MRNIP: variants seen among roughly 807,000 people sequenced by gnomAD.
MRNIP encodes MRN complex-interacting protein.
A neutral mutation model predicts 29.8 loss-of-function variants in MRNIP; 30 were observed. That is an observed-to-expected ratio of 1.01 (90% confidence interval 0.75 to 1.36). MRNIP has a LOEUF of 1.36. MRNIP is among the 40% of genes most tolerant of loss of function. MRNIP has a pLI of 0.00. For missense variants in MRNIP, 459 were observed against 423.5 expected (o/e 1.08, Z -0.74); for synonymous variants, 201 against 164.1 (o/e 1.23, Z -1.72).
intron 6 of MRNIP, 83 bp downstream of exon 6, chr5:179,840,789 T>G (rs1361424542): frequency 9.3e-7 from 1 of 1,071,350 alleles, no homozygotes; most frequent in Non-Finnish European, 1.4e-6. Flanking sequence ...AATCGCACAC[T>G]TCGTCAACTG....
intron 2 of MRNIP, among the ~76,000 whole-genome samples, chr5:179,848,564 A>C (rs1759223604): frequency 6.6e-6 from 1 of 152,196 alleles, no homozygotes; most frequent in South Asian, 2.1e-4. Flanking sequence ...GGGGTAGACA[A>C]TACAGGAATG....
intron 4 of MRNIP, among the ~76,000 whole-genome samples, chr5:179,842,699 C>CAAAAAAAAAAAAAAAA (rs58952171): frequency 1.4e-4 from 4 of 28,998 alleles, no homozygotes; most frequent in African/African-American, 3.5e-4. Flanking sequence ...GACTCCGTCT[C>CAAAAAAAAAAAAAAAA]AAAAAAAAAA....
At chr5:179,838,254 A>T in intron 6 of MRNIP, 1 of 268,784 alleles carries the variant, frequency 3.7e-6, no homozygotes, top group Non-Finnish European at 7.2e-6. Context: ...GCTACCTCCC[A>T]CCGGGGGGCA....
chr5:179,851,758 C>T (rs1207377799), intron 2 of MRNIP, among the ~76,000 whole-genome samples: 5 of 152,148 alleles, frequency 3.3e-5, no homozygotes, highest in Non-Finnish European at 5.9e-5. Context: ...GTGGGCAGAT[C>T]ACGAGGTCAG....
intron 4 of MRNIP, among the ~76,000 whole-genome samples, chr5:179,842,722 A>G (rs1758943268): frequency 7.2e-6 from 1 of 138,606 alleles, no homozygotes; most frequent in Non-Finnish European, 1.6e-5. Context: ...AAAAAAAAAA[A>G]AAAAAAAAGA....
At chr5:179,858,533 C>T (rs1385410711) in intron 1 of MRNIP, among the ~76,000 whole-genome samples, 198 bp downstream of exon 1, 1 of 152,266 alleles carries the variant, frequency 6.6e-6, no homozygotes, top group Non-Finnish European at 1.5e-5. Context: ...ACCATTACCT[C>T]TGGTTTGTAC....
At chr5:179,855,571 A>T (rs1759541667) in intron 1 of MRNIP, among the ~76,000 whole-genome samples, 1 of 152,248 alleles carries the variant, frequency 6.6e-6, no homozygotes, top group Non-Finnish European at 1.5e-5. Flanking sequence ...CAGACATCTA[A>T]TTAGAACACA....
At chr5:179,851,418 G>T (rs569707351) in intron 2 of MRNIP, 2 of 456,030 alleles carry the variant, frequency 4.4e-6, no homozygotes, top group East Asian at 1.4e-4. Flanking sequence ...GAATCTGACT[G>T]AACAGTCTGG....
intron 1 of MRNIP, among the ~76,000 whole-genome samples, chr5:179,858,020 AAAAAAAAG>A (rs1759670146): frequency 7.1e-6 from 1 of 141,700 alleles, no homozygotes; most frequent in Admixed American, 7.7e-5. Flanking sequence ...TCAAAAAAAA[AAAAAAAAG>A]AAGAAGAAGT....
intron 3 of MRNIP, among the ~76,000 whole-genome samples, chr5:179,846,754 T>TA (rs1384780898): frequency 3.3e-5 from 5 of 152,174 alleles, no homozygotes; most frequent in African/African-American, 9.7e-5. Flanking sequence ...TCCAAAATCT[T>TA]AGAGATATTT....
intron 2 of MRNIP, among the ~76,000 whole-genome samples, chr5:179,852,789 G>C (rs1759423737): frequency 6.6e-6 from 1 of 152,216 alleles, no homozygotes; most frequent in Admixed American, 6.5e-5. Flanking sequence ...ATGCAGGACA[G>C]TTTGGGGTCC....
rs746082405 is a variant in MRNIP, at chr5:179,837,587, G to A, written c.836C>T (p.Pro279Leu). ...CCGAGGAAGCTGGACAGCGGCAGTG[G>A]GCCTGCTGAGGCCTTCTCTTGAGGC... is the stretch of plus-strand genomic sequence containing the variant. Reference protein sequence around the residue: ...AQASREGLSRPTAAVQLPRAT... With the variant: ...AQASREGLSRLTAAVQLPRAT... Residue 279 changes from proline (P) to leucine (L), a missense_variant, in exon 7 of 7, where the codon CCC (proline) becomes CTC (leucine). Coordinates refer to ENST00000292586, the MANE Select transcript of MRNIP (RefSeq NM_016175.4). 1.2e-6 allele frequency: 2 copies of A among 1,614,148 alleles called. No individual in the cohort carries two copies. The highest frequency in any genetic ancestry group is 2.2e-5 in the East Asian group (1 of 44,890).
chr5:179,842,893 C>G (rs561155070), intron 4 of MRNIP, among the ~76,000 whole-genome samples: 1 of 151,316 alleles, frequency 6.6e-6, no homozygotes, highest in Non-Finnish European at 1.5e-5. Context: ...ATTAGCCGGG[C>G]GTGGTGGTGC....
Position 179,858,768 on chromosome 5 carries a change from A to T in MRNIP, c.29T>A (p.Leu10Gln). ...GAAGAGGCGGCAGCTGCAGCAGCGT[A>T]GCACCCGAGAACGCTGAAGCGACGC... Reference protein sequence around the residue: MASLQRSRVLRCCSCRLFQA... With the variant: MASLQRSRVQRCCSCRLFQA... Residue 10 changes from leucine (L) to glutamine (Q), a missense_variant, in exon 1 of 7, where the codon CTA becomes CAA. By Grantham distance (113) the Leu-to-Gln change is moderately radical. Coordinates refer to ENST00000292586, the MANE Select transcript of MRNIP (RefSeq NM_016175.4). The T allele has an allele frequency of 6.5e-7, 1 of 1,538,396 alleles. No homozygotes were observed. Among genetic ancestry groups the T allele is most frequent in the South Asian group, 1.2e-5 (1 of 82,588 alleles).
intron 4 of MRNIP, among the ~76,000 whole-genome samples, chr5:179,843,167 T>C (rs34617509): frequency 0.46 from 69,984 of 151,564 alleles, 17,161 homozygotes; most frequent in East Asian, 0.81. Flanking sequence ...CTACATTCTG[T>C]AAATACTTTT....
chr5:179,852,042 C>T (rs1759392100), intron 2 of MRNIP, among the ~76,000 whole-genome samples: 1 of 151,732 alleles, frequency 6.6e-6, no homozygotes, highest in African/African-American at 2.4e-5. Context: ...ATGTTTTTGT[C>T]TACGGAGGCA....
intron 3 of MRNIP, among the ~76,000 whole-genome samples, chr5:179,845,178 TAACGTGTCCACTG>T (rs1398718848): frequency 6.6e-6 from 1 of 151,964 alleles, no homozygotes; most frequent in Non-Finnish European, 1.5e-5. Context: ...TTAATCTGTT[TAACGTGTCCACTG>T]AATTTTTAAT....
At chr5:179,848,381 G>T (rs1478539998) in intron 2 of MRNIP, among the ~76,000 whole-genome samples, 1 of 152,168 alleles carries the variant, frequency 6.6e-6, no homozygotes, top group African/African-American at 2.4e-5. Flanking sequence ...CACAAGAGAA[G>T]TAACACATAT....
chr5:179,851,088 T>A (rs1759348054), intron 2 of MRNIP: 1 of 394,022 alleles, frequency 2.5e-6, no homozygotes, highest in Admixed American at 2.9e-5. Context: ...CCACCACAAT[T>A]TTGGTGTGTT....
Sources: allele counts gnomAD v4.1 joint callset (sites outside exome capture counted in the v4.1 genomes callset), GRCh38; gene constraint gnomAD v4.1.1; transcripts MANE v1.5; gene names NCBI Gene and HGNC (gene_info 2026-07-23, HGNC 2026-07-21).